SCLT1: variants seen among roughly 807,000 people sequenced by gnomAD.
SCLT1 encodes sodium channel-associated protein 1.
A neutral mutation model predicts 112.8 loss-of-function variants in SCLT1; 78 were observed. The ratio of observed to expected loss-of-function variants is 0.69; its 90% confidence interval spans 0.58 to 0.83. The LOEUF (loss-of-function observed/expected upper bound fraction) is 0.83, where lower values mean the gene tolerates loss of function less well. SCLT1 is among the 40% of genes least tolerant of loss of function. The pLI, the probability that SCLT1 is intolerant of heterozygous loss-of-function variation, is 0.00. For synonymous variants in SCLT1, 257 were observed against 254.7 expected, an observed-to-expected ratio of 1.01 and a Z score of -0.09; for missense variants, 747 against 770.4, an observed-to-expected ratio of 0.97 and a Z score of 0.36.
chr4:128,915,648 A>G (rs1434443321), intron 18 of SCLT1, among the ~76,000 whole-genome samples: 1 of 152,230 alleles, frequency 6.6e-6, no homozygotes, highest in Non-Finnish European at 1.5e-5. Flanking sequence ...CTTTGACCAG[A>G]AAGGATCAAA....
intron 20 of SCLT1, among the ~76,000 whole-genome samples, 186 bp downstream of exon 20, chr4:128,888,493 C>A (rs776254827): frequency 2.0e-5 from 3 of 152,208 alleles, no homozygotes; most frequent in Non-Finnish European, 4.4e-5. Flanking sequence ...GCTGGCATTA[C>A]AGTTGCGAGC....
intron 10 of SCLT1, among the ~76,000 whole-genome samples, chr4:128,965,550 C>T (rs903405040): frequency 6.6e-6 from 1 of 152,168 alleles, no homozygotes; most frequent in South Asian, 2.1e-4. Flanking sequence ...ACAGTTATTG[C>T]ACATAGATTT....
chr4:129,016,329 C>A (rs560850988), intron 5 of SCLT1, among the ~76,000 whole-genome samples: 1 of 90,086 alleles, frequency 1.1e-5, no homozygotes, highest in Non-Finnish European at 2.8e-5. Context: ...CCTCCCCCAT[C>A]CCCCCATACA....
chr4:128,936,894 T>C (rs1737235256), intron 17 of SCLT1, 43 bp from the exon 18 acceptor site: 1 of 970,258 alleles, frequency 1.0e-6, no homozygotes, highest in Non-Finnish European at 1.5e-6. Flanking sequence ...TCTTTTCTTA[T>C]AGGTGCTATA....
At chr4:129,037,752 T>A (rs564932144) in intron 5 of SCLT1, 3 of 152,296 alleles carry the variant, frequency 2.0e-5, no homozygotes, top group East Asian at 3.9e-4. Context: ...ATCAACAAAT[T>A]TTCAGAATAC....
chr4:128,883,398 G>A (rs1732691228), downstream of SCLT1, among the ~76,000 whole-genome samples: 1 of 152,080 alleles, frequency 6.6e-6, no homozygotes, highest in Middle Eastern at 3.4e-3. Context: ...ACACACCCGG[G>A]CCTGTCGAGG....
At chr4:129,023,710 G>C (rs533020708) in intron 5 of SCLT1, among the ~76,000 whole-genome samples, 1 of 152,220 alleles carries the variant, frequency 6.6e-6, no homozygotes, top group Non-Finnish European at 1.5e-5. Context: ...GCAGTGCACT[G>C]TGTGCGAGCT....
At chr4:128,883,461 C>T (rs570406515), downstream of SCLT1, among the ~76,000 whole-genome samples, 3 of 152,096 alleles carry the variant, frequency 2.0e-5, no homozygotes, top group South Asian at 2.1e-4. Context: ...ACGTAGATAA[C>T]GGGTTGATGG....
intron 9 of SCLT1, among the ~76,000 whole-genome samples, chr4:128,973,200 T>C (rs371566379): frequency 1.3e-5 from 2 of 152,114 alleles, no homozygotes; most frequent in South Asian, 4.1e-4. Flanking sequence ...ACTTATAATA[T>C]ATAATACTTT....
chr4:128,881,294 T>A (rs1175276024), downstream of SCLT1, among the ~76,000 whole-genome samples: 1 of 152,188 alleles, frequency 6.6e-6, no homozygotes, highest in Admixed American at 6.5e-5. Flanking sequence ...AAATTTATTT[T>A]GAAAAAAATG....
rs985513024 is a variant in SCLT1, at chr4:129,046,058, T to C, written c.103-2007A>G. ...ATAATCAATACTGTTTTTATTCAAG[T>C]ACTACACACATACAGAAGACAGTAC... On this transcript the variant is annotated intron_variant, in intron 2 of 20. Coordinates refer to ENST00000281142, the MANE Select transcript of SCLT1 (RefSeq NM_144643.4). Among the ~76,000 whole-genome samples the C allele has an allele frequency of 1.1e-4, 16 of 152,082 alleles. No individual in the cohort carries two copies. The East Asian group carries it at 1.7e-3, about 16-fold the overall frequency.
intron 2 of SCLT1, among the ~76,000 whole-genome samples, chr4:129,051,928 A>G (rs1748836019): frequency 6.6e-6 from 1 of 152,136 alleles, no homozygotes; most frequent in Admixed American, 6.5e-5. Context: ...GAGAGTTTTT[A>G]GCATGGAGGC....
At chr4:128,878,774 C>A (rs962110705) in intron 3 of SCLT1, among the ~76,000 whole-genome samples, 2 of 152,044 alleles carry the variant, frequency 1.3e-5, no homozygotes, top group African/African-American at 2.4e-5. Flanking sequence ...ATTATAACTT[C>A]CTTTGCTTAG....
At position 128,936,715 on chromosome 4, in the gene SCLT1, C is replaced by A; in HGVS notation, c.1769G>T (p.Arg590Met). 1 of 1,611,710 alleles carries A rather than the reference C, an allele frequency of 6.2e-7. No homozygotes were observed. The highest frequency in any genetic ancestry group is 8.5e-7 in the Non-Finnish European group (1 of 1,179,274). Reference sequence around the variant, plus strand: ...AAGTTTCTTCGTTTCTTCTTTCCACCTATTGGCTGCCTTCTGTTGAGTCGC... The same window carrying A: ...AAGTTTCTTCGTTTCTTCTTTCCACATATTGGCTGCCTTCTGTTGAGTCGC... ...LLATQQKAAN[R>M]WKEETKKLTE... The change falls in exon 18 of 21, where the codon AGG becomes ATG. Residue 590 changes from arginine to methionine, a missense_variant. Arg to Met is a moderately conservative substitution (Grantham distance 91, BLOSUM62 -1). Coordinates refer to ENST00000281142, the MANE Select transcript of SCLT1 (RefSeq NM_144643.4).
downstream of SCLT1, among the ~76,000 whole-genome samples, chr4:128,880,975 T>C (rs898741503): frequency 2.0e-5 from 3 of 152,160 alleles, no homozygotes; most frequent in East Asian, 1.9e-4. Context: ...CATGTGAGTG[T>C]TTTGTGGTGA....
chr4:128,953,224 T>C (rs1738916246), intron 13 of SCLT1, among the ~76,000 whole-genome samples: 1 of 152,192 alleles, frequency 6.6e-6, no homozygotes, highest in Admixed American at 6.5e-5. Context: ...CTGAACAATA[T>C]TTTTATAAGA....
At chr4:128,894,560 C>T (rs192417010) in intron 18 of SCLT1, among the ~76,000 whole-genome samples, 2 of 152,288 alleles carry the variant, frequency 1.3e-5, no homozygotes, top group Admixed American at 1.3e-4. Flanking sequence ...AGCCTAATAT[C>T]AAGCTTTTTG....
chr4:129,021,607 C>A (rs566530245), intron 5 of SCLT1, among the ~76,000 whole-genome samples: 11 of 152,302 alleles, frequency 7.2e-5, no homozygotes, highest in African/African-American at 2.6e-4. Flanking sequence ...TGTGGCCAGA[C>A]CACTTCTCTA....
intron 5 of SCLT1, among the ~76,000 whole-genome samples, chr4:129,023,640 T>C (rs1305205666): frequency 1.3e-5 from 2 of 152,136 alleles, no homozygotes; most frequent in African/African-American, 4.8e-5. Flanking sequence ...TGCATTTCCA[T>C]CTGAGGTACT....
Sources: allele counts gnomAD v4.1 joint callset (sites outside exome capture counted in the v4.1 genomes callset), GRCh38; gene constraint gnomAD v4.1.1; transcripts MANE v1.5; gene names NCBI Gene and HGNC (gene_info 2026-07-23, HGNC 2026-07-21).